Variants in VEPH1 observed in about 807,000 individuals in gnomAD.
The protein encoded by VEPH1 is ventricular zone expressed PH domain containing 1.
In VEPH1, 80 loss-of-function variants were observed where a neutral mutation model predicts 85.2. That is an observed-to-expected ratio of 0.94 (90% CI 0.78 to 1.13). VEPH1 has a LOEUF of 1.13. VEPH1 is among the 50% of genes most tolerant of loss of function. The pLI, the probability that VEPH1 is intolerant of heterozygous loss-of-function variation, is 0.00. For synonymous variants in VEPH1, 297 were observed against 348.0 expected (o/e 0.85, Z 1.63); for missense variants, 955 against 980.5 (o/e 0.97, Z 0.35).
chr3:157,363,202 G>GA (rs34308512), intron 9 of VEPH1, 162 bp downstream of exon 9: 128,498 of 462,662 alleles, frequency 0.28, 4,909 homozygotes, highest in Admixed American at 0.4. Flanking sequence ...CTTTTCTTGG[G>GA]AAAAAAAAAA....
At chr3:157,497,678 C>T (rs1040060250) in intron 1 of VEPH1, among the ~76,000 whole-genome samples, 1 of 152,170 alleles carries the variant, frequency 6.6e-6, no homozygotes, top group African/African-American at 2.4e-5. Flanking sequence ...AGCAGTAATA[C>T]GTGCTGGTAC....
chr3:157,467,125 A>ATGTGTGTGTGTGTGTGTG (rs57109409), intron 3 of VEPH1, among the ~76,000 whole-genome samples: 96 of 145,442 alleles, frequency 6.6e-4, no homozygotes, highest in African/African-American at 2.3e-3. Context: ...GTGTGTGTGT[A>ATGTGTGTGTGTGTGTGTG]TGTGTGTGTG....
Position 157,364,483 on chromosome 3 carries a change from G to C in VEPH1, c.1157C>G (p.Pro386Arg). 2 of 1,613,804 alleles carry C rather than the reference G, an allele frequency of 1.2e-6. No individual in the cohort carries two copies. The highest frequency in any genetic ancestry group is 1.7e-6 in the Non-Finnish European group (2 of 1,179,910). The part of the protein sequence containing the change: ...RRKISTEIEF[P>R]EKLEETKLIV... ...GAGCTTGGTTTCTTCCAGTTTCTCA[G>C]GGAATTCAATTTCAGTGCTGATTTT... The change falls in exon 8 of 14, where the codon CCT becomes CGT. Residue 386 changes from proline to arginine, a missense_variant. Physicochemically the swap from Pro to Arg is moderately radical, Grantham distance 103. Coordinates refer to ENST00000362010, the MANE Select transcript of VEPH1 (RefSeq NM_001167912.2).
chr3:157,462,269 G>A (rs1163593133), intron 3 of VEPH1, among the ~76,000 whole-genome samples: 2 of 151,244 alleles, frequency 1.3e-5, no homozygotes, highest in African/African-American at 4.9e-5. Context: ...TGTATTTGGA[G>A]AGAATTCATC....
At chr3:157,325,008 T>C (rs1407558770) in intron 9 of VEPH1, among the ~76,000 whole-genome samples, 2 of 152,174 alleles carry the variant, frequency 1.3e-5, no homozygotes, top group South Asian at 4.1e-4. Context: ...TGTTGTTTTA[T>C]TGACTTTCTA....
At chr3:157,474,589 G>A (rs572282637) in intron 2 of VEPH1, among the ~76,000 whole-genome samples, 1 of 152,244 alleles carries the variant, frequency 6.6e-6, no homozygotes, top group Admixed American at 6.5e-5. Flanking sequence ...GTATACAGAA[G>A]TCCTTGATCA....
At chr3:157,460,493 T>C in intron 3 of VEPH1, 138 bp from the exon 4 acceptor site, 4 of 1,172,226 alleles carry the variant, frequency 3.4e-6, no homozygotes, top group Non-Finnish European at 4.6e-6. Flanking sequence ...CCTGTTTATA[T>C]TGTATTTGGG....
chr3:157,297,234 T>G (rs1411744902), intron 11 of VEPH1, among the ~76,000 whole-genome samples: 1 of 152,244 alleles, frequency 6.6e-6, no homozygotes, highest in African/African-American at 2.4e-5. Flanking sequence ...GAATGACTTC[T>G]TTAAGAAACA....
chr3:157,496,892 G>C (rs1487436110), intron 1 of VEPH1, among the ~76,000 whole-genome samples: 3 of 152,168 alleles, frequency 2.0e-5, no homozygotes, highest in Non-Finnish European at 4.4e-5. Context: ...CTATCTACCA[G>C]CTTTTGAAAA....
intron 12 of VEPH1, among the ~76,000 whole-genome samples, chr3:157,283,886 A>G (rs975564301): frequency 2.6e-5 from 4 of 152,304 alleles, no homozygotes; most frequent in East Asian, 1.9e-4. Flanking sequence ...CTAGACTTCA[A>G]TTCTACTTCT....
chr3:157,374,112 CAT>C (rs1182525061), intron 7 of VEPH1, among the ~76,000 whole-genome samples: 1 of 152,176 alleles, frequency 6.6e-6, no homozygotes, highest in Non-Finnish European at 1.5e-5. Flanking sequence ...AATGGTACCA[CAT>C]GTCAGACTTA....
At chr3:157,291,972 TC>T (rs1717531073) in intron 11 of VEPH1, among the ~76,000 whole-genome samples, 1 of 152,204 alleles carries the variant, frequency 6.6e-6, no homozygotes, top group South Asian at 2.1e-4. Context: ...TATCTGCATA[TC>T]TATGGGTATT....
chr3:157,460,954 G>T lies in VEPH1; in HGVS notation c.355-599C>A, dbSNP rs546452426. 1.3e-5 allele frequency among the ~76,000 whole-genome samples: 2 copies of T among 152,148 alleles called. 1 individual carries two copies. The highest frequency in any genetic ancestry group is 4.2e-4 in the South Asian group (2 of 4,806). Reference sequence around the variant, plus strand: ...TGGCATTGATCTTTAGGGTAATCGGGGGCCACTGATAACAGGAATCACTTG... The same window carrying T: ...TGGCATTGATCTTTAGGGTAATCGGTGGCCACTGATAACAGGAATCACTTG... On this transcript the variant is annotated intron_variant, in intron 3 of 13. Transcript: ENST00000362010.
chr3:157,478,373 G>A (rs113382673), intron 2 of VEPH1, among the ~76,000 whole-genome samples: 1,562 of 152,190 alleles, frequency 0.01, 25 homozygotes, highest in African/African-American at 0.035. Flanking sequence ...CCCTATAAAT[G>A]TTCTGCATGG....
At chr3:157,322,524 T>C (rs1182300498) in intron 9 of VEPH1, among the ~76,000 whole-genome samples, 1 of 152,196 alleles carries the variant, frequency 6.6e-6, no homozygotes, top group Non-Finnish European at 1.5e-5. Flanking sequence ...TTAGATTTTT[T>C]GAGGAAATTT....
chr3:157,337,575 A>G (rs1035221993), intron 9 of VEPH1, among the ~76,000 whole-genome samples: 21 of 152,230 alleles, frequency 1.4e-4, no homozygotes, highest in African/African-American at 5.1e-4. Flanking sequence ...AAAGTGGTAA[A>G]ATGATAAGAT....
chr3:157,263,457 A>G (rs1380968140), intron 13 of VEPH1, among the ~76,000 whole-genome samples: 1 of 147,932 alleles, frequency 6.8e-6, no homozygotes, highest in East Asian at 1.9e-4. Context: ...GCTTTGTCTT[A>G]AGGGATCTGG....
Position 157,452,340 on chromosome 3 carries a change from A to G in VEPH1, c.529+7841T>C, listed in dbSNP as rs186076072. Among the ~76,000 whole-genome samples the G allele has an allele frequency of 5.9e-5, 9 of 152,280 alleles. No individual in the cohort carries two copies. In the East Asian group the frequency reaches 1.5e-3, roughly 26 times the overall value. ...GGAAGTGCAAAGGGAAGGAGTGGTG[A>G]GATATGAAAGTCGGAGCTAGTTTTT... On this transcript the variant is annotated intron_variant, in intron 4 of 13. Transcript: ENST00000362010.
At chr3:157,429,846 G>A (rs1733013580) in intron 4 of VEPH1, among the ~76,000 whole-genome samples, 1 of 152,166 alleles carries the variant, frequency 6.6e-6, no homozygotes, top group Non-Finnish European at 1.5e-5. Flanking sequence ...CATTAAAAGG[G>A]ACTGTAGTTG....
Sources: gnomAD v4.1 joint callset for allele counts (sites outside exome capture counted in the v4.1 genomes callset) on GRCh38, gnomAD v4.1.1 for gene constraint, MANE v1.5 for transcripts, NCBI Gene and HGNC (gene_info 2026-07-23, HGNC 2026-07-21) for gene names.